The following SGCZ variants were observed in gnomAD, a reference collection of about 807,000 sequenced individuals.
SGCZ encodes sarcoglycan zeta.
A neutral mutation model predicts 41.3 loss-of-function variants in SGCZ; 40 were observed. That is an observed-to-expected ratio of 0.97 (90% CI 0.75 to 1.26). The LOEUF (loss-of-function observed/expected upper bound fraction) is 1.26, where lower values mean the gene tolerates loss of function less well. SGCZ is among the 50% of genes most tolerant of loss of function. The pLI, the probability that SGCZ is intolerant of heterozygous loss-of-function variation, is 0.00. For missense variants in SGCZ, 552 were observed against 369.8 expected, an observed-to-expected ratio of 1.49 and a Z score of -4.04; for synonymous variants, 206 against 137.5, an observed-to-expected ratio of 1.50 and a Z score of -3.49.
chr8:14,103,988 A>G (rs1163244817), intron 6 of SGCZ, among the ~76,000 whole-genome samples: 2 of 152,216 alleles, frequency 1.3e-5, no homozygotes, highest in Non-Finnish European at 2.9e-5. Context: ...GCAACACAGT[A>G]TCAACAATTA....
chr8:14,690,946 G>A (rs770543741), intron 1 of SGCZ, among the ~76,000 whole-genome samples: 6 of 152,136 alleles, frequency 3.9e-5, no homozygotes, highest in African/African-American at 1.4e-4. Context: ...CAGTATTTCA[G>A]ATTATAAAGT....
chr8:14,463,045 C>G (rs1211577283), intron 2 of SGCZ, among the ~76,000 whole-genome samples: 1 of 151,626 alleles, frequency 6.6e-6, no homozygotes, highest in African/African-American at 2.4e-5. Flanking sequence ...TATTCTGCTA[C>G]TTTGCTGAAT....
chr8:14,832,970 T>A (rs1210345134), intron 1 of SGCZ, among the ~76,000 whole-genome samples: 1 of 152,136 alleles, frequency 6.6e-6, no homozygotes, highest in East Asian at 1.9e-4. Context: ...AATATTTCTA[T>A]ATATTTTTAA....
At chr8:14,377,177 G>A (rs187897482) in intron 2 of SGCZ, among the ~76,000 whole-genome samples, 1 of 152,178 alleles carries the variant, frequency 6.6e-6, no homozygotes, top group Non-Finnish European at 1.5e-5. Context: ...GGAGAAGAGA[G>A]GGACTTGAGA....
At chr8:14,851,980 T>C (rs1301217884) in intron 1 of SGCZ, among the ~76,000 whole-genome samples, 1 of 152,166 alleles carries the variant, frequency 6.6e-6, no homozygotes, top group African/African-American at 2.4e-5. Context: ...TAAACTCATC[T>C]TTGACCTTTG....
At chr8:14,396,190 A>G (rs1445876996) in intron 2 of SGCZ, among the ~76,000 whole-genome samples, 1 of 152,176 alleles carries the variant, frequency 6.6e-6, no homozygotes, top group Non-Finnish European at 1.5e-5. Context: ...GTCCTCAGTA[A>G]ATAACTCTTA....
chr8:15,185,124 T>C (rs1038641746), intron 1 of SGCZ, among the ~76,000 whole-genome samples: 1 of 152,148 alleles, frequency 6.6e-6, no homozygotes, highest in East Asian at 1.9e-4. Context: ...GCAATTTTAA[T>C]TGGGAACTAG....
At chr8:14,864,008 T>C (rs1803842701) in intron 1 of SGCZ, among the ~76,000 whole-genome samples, 1 of 152,154 alleles carries the variant, frequency 6.6e-6, no homozygotes, top group African/African-American at 2.4e-5. Flanking sequence ...CTGACAAGTT[T>C]AAAACAGAAC....
chr8:14,178,572 G>A (rs938341207), intron 4 of SGCZ, among the ~76,000 whole-genome samples: 3 of 152,168 alleles, frequency 2.0e-5, no homozygotes, highest in Admixed American at 2.0e-4. Flanking sequence ...ATTTTGATAA[G>A]CAAGACTAAT....
At chr8:15,161,359 G>A (rs1799507516) in intron 1 of SGCZ, among the ~76,000 whole-genome samples, 1 of 151,958 alleles carries the variant, frequency 6.6e-6, no homozygotes, top group Non-Finnish European at 1.5e-5. Context: ...CTCCTTGTCT[G>A]TCTTCTCTGC....
At chr8:14,623,941 A>G (rs1563160904) in intron 1 of SGCZ, among the ~76,000 whole-genome samples, 1 of 152,178 alleles carries the variant, frequency 6.6e-6, no homozygotes. Flanking sequence ...TTTTGTTAGG[A>G]CACTGAAATT....
intron 3 of SGCZ, among the ~76,000 whole-genome samples, chr8:14,257,640 G>A (rs1244109839): frequency 8.6e-5 from 10 of 115,776 alleles, no homozygotes; most frequent in Admixed American, 2.9e-4. Flanking sequence ...TCCTCCCCCC[G>A]CCCTATGACA....
At chr8:14,426,107 G>A (rs371914010) in intron 2 of SGCZ, among the ~76,000 whole-genome samples, 5 of 152,180 alleles carry the variant, frequency 3.3e-5, no homozygotes, top group South Asian at 4.2e-4. Context: ...TTTATTGAGT[G>A]CCTGGTCTAT....
rs34287378 is a variant in SGCZ at position 14,595,400 on chromosome 8, AACAC to A, written c.40-40478_40-40475del. ...TATATATAAATGCCTAACATGCACA[AACAC>A]ACACACACACACACACACACACACA... On this transcript the variant is annotated intron_variant, in intron 1 of 7. Coordinates refer to ENST00000382080, the MANE Select transcript of SGCZ (RefSeq NM_139167.4). Among the ~76,000 whole-genome samples, 647 of 136,378 alleles carry A rather than the reference AACAC, an allele frequency of 4.7e-3. 5 individuals carry two copies. Among genetic ancestry groups the A allele is most frequent in the African/African-American group, 0.013 (482 of 35,764 alleles). 89.5% of individuals were successfully genotyped at this position (136,378 alleles called of 152,430 possible). A position where few individuals can be genotyped will look rare whatever the true frequency, so the allele number is the denominator to read the frequency against.
chr8:14,988,079 C>A (rs908436871), intron 1 of SGCZ, among the ~76,000 whole-genome samples: 1 of 151,874 alleles, frequency 6.6e-6, no homozygotes, highest in African/African-American at 2.4e-5. Flanking sequence ...CTGGAATGCA[C>A]AATAAGTTTT....
intron 1 of SGCZ, among the ~76,000 whole-genome samples, chr8:15,150,517 C>T (rs539921688): frequency 4.3e-4 from 66 of 152,256 alleles, no homozygotes; most frequent in African/African-American, 1.4e-3. Flanking sequence ...TCCCTACTCA[C>T]GCACAGAGTT....
At chr8:14,941,171 G>A (rs1437271836) in intron 1 of SGCZ, among the ~76,000 whole-genome samples, 2 of 151,972 alleles carry the variant, frequency 1.3e-5, no homozygotes, top group East Asian at 3.9e-4. Flanking sequence ...AGTACCACAG[G>A]TATTGCAGAA....
chr8:14,257,299 C>G (rs902275180), intron 3 of SGCZ, among the ~76,000 whole-genome samples: 1 of 151,714 alleles, frequency 6.6e-6, no homozygotes, highest in Non-Finnish European at 1.5e-5. Context: ...CCACTCACTC[C>G]CTCACTCCAC....
At chr8:14,590,908 T>G (rs916952955) in intron 1 of SGCZ, among the ~76,000 whole-genome samples, 20 of 149,494 alleles carry the variant, frequency 1.3e-4, no homozygotes, top group Admixed American at 8.1e-4. Context: ...ATAAAGTACA[T>G]ACACTATATA....
Sources: allele counts gnomAD v4.1 joint callset (sites outside exome capture counted in the v4.1 genomes callset), GRCh38; gene constraint gnomAD v4.1.1; transcripts MANE v1.5; gene names NCBI Gene and HGNC (gene_info 2026-07-23, HGNC 2026-07-21).